The following INTS8 variants were observed in gnomAD, a reference collection of about 807,000 sequenced individuals.
INTS8 encodes protein kaonashi-1.
INTS8 carries 47 observed loss-of-function variants against 138.9 expected under a neutral mutation model. The ratio of observed to expected loss-of-function variants is 0.34; its 90% CI spans 0.27 to 0.43. The LOEUF (loss-of-function observed/expected upper bound fraction) is 0.43, where lower values mean the gene tolerates loss of function less well. Among genes scored for constraint, INTS8 ranks in the 20% least tolerant of loss-of-function variants. The pLI is 1.00. For synonymous variants in INTS8, 392 were observed against 400.9 expected, an observed-to-expected ratio of 0.98 and a Z score of 0.27; for missense variants, 996 against 1,173.0, an observed-to-expected ratio of 0.85 and a Z score of 2.20.
Position 94,843,524 on chromosome 8 carries a change from G to A in INTS8, c.1260+1036G>A, listed in dbSNP as rs1050378785. Among the ~76,000 whole-genome samples, 16 of 151,864 alleles carry A rather than the reference G, an allele frequency of 1.1e-4. No homozygotes were observed. The South Asian group carries it at 1.5e-3, about 14-fold the overall frequency. ...AGAGGTTTCAATGAGTGGAGATTACGCCACTGCACTCCAGCCTGGGCAACA... is the reference window on the plus strand; with the variant it reads ...AGAGGTTTCAATGAGTGGAGATTACACCACTGCACTCCAGCCTGGGCAACA... On this transcript the variant is annotated intron_variant, in intron 10 of 26. Transcript: ENST00000523731.
rs749072336 is a variant in INTS8, at chr8:94,838,584, A to G, written c.983A>G (p.Gln328Arg). ...TCTCAACAGTTGACTCCATATAGTC[A>G]AGTCCATATTTGTTTGAGATCTGGC... ...STSQQLTPYSQVHICLRSGNY... is the reference protein window; with the variant it reads ...STSQQLTPYSRVHICLRSGNY... Residue 328 changes from glutamine to arginine, a missense_variant, in exon 8 of 27, where the codon CAA becomes CGA. Physicochemically the swap from Gln to Arg is conservative, Grantham distance 43. Transcript: ENST00000523731. 13 of 1,613,464 alleles carry G rather than the reference A, an allele frequency of 8.1e-6. No individual in the cohort carries two copies. In the East Asian group the frequency reaches 2.9e-4, roughly 36 times the overall value.
rs752396776 is a variant in INTS8, at chr8:94,828,990, A to T, written c.534A>T (p.Gln178His). The change falls in exon 5 of 27, where the codon CAA (glutamine) becomes CAT (histidine). Residue 178 changes from glutamine (Q) to histidine (H), a missense_variant. Gln to His is a conservative substitution (Grantham distance 24). Transcript: ENST00000523731. ...PPQLSVMNQM[Q>H]QEKELTENIL... ...TCTCTTTTAGTATGAATCAAATGCA[A>T]CAGGAAAAAGAGCTAACAGAAAACA... 1.3e-6 allele frequency: 2 copies of T among 1,599,334 alleles called. No homozygotes were observed. The highest frequency in any genetic ancestry group is 1.7e-6 in the Non-Finnish European group (2 of 1,171,540).
intron 20 of INTS8, among the ~76,000 whole-genome samples, chr8:94,869,083 A>G (rs939839233): frequency 2.0e-5 from 3 of 151,476 alleles, no homozygotes; most frequent in Admixed American, 2.0e-4. Context: ...CCCTGGTTCA[A>G]GCAATTCTCC....
chr8:94,876,158 T>C lies in INTS8; in HGVS notation c.2762+11T>C. ...GCAAGAACAAAACAGGTATGAATAATATTTTAAAAATAATGAGGTCAACAT... is the reference window on the plus strand; with the variant it reads ...GCAAGAACAAAACAGGTATGAATAACATTTTAAAAATAATGAGGTCAACAT... On this transcript the variant is annotated intron_variant, in intron 24 of 26. Coordinates refer to ENST00000523731, the MANE Select transcript of INTS8 (RefSeq NM_017864.4). 6.2e-7 allele frequency: 1 copy of C among 1,606,752 alleles called. No homozygotes were observed. Among genetic ancestry groups the C allele is most frequent in the Non-Finnish European group, 8.5e-7 (1 of 1,173,836 alleles).
At position 94,853,860 on chromosome 8, in the gene INTS8, C is replaced by CA; in HGVS notation, c.1699dup (p.Arg567LysfsTer18). 1 of 1,612,072 alleles carries CA rather than the reference C, an allele frequency of 6.2e-7. No homozygotes were observed. Among genetic ancestry groups the CA allele is most frequent in the Non-Finnish European group, 8.5e-7 (1 of 1,178,206 alleles). On this transcript the variant is annotated frameshift_variant, in exon 14 of 27. Transcript: ENST00000523731. LOFTEE classifies it high-confidence loss of function. ...ATCCTGGGAATTAAAGACAATTTAA[C>CA]AAGAGATTTGGTTTATATTCTTATG... is the stretch of plus-strand genomic sequence containing the variant.
chr8:94,825,094 T>G (rs745522934), intron 2 of INTS8, 27 bp downstream of exon 2: 1 of 1,452,154 alleles, frequency 6.9e-7, no homozygotes, highest in South Asian at 1.2e-5. Context: ...TGAAATTTCA[T>G]TTGAAGTGCT....
chr8:94,851,586 A>G lies in INTS8; in HGVS notation c.1541A>G (p.His514Arg). The change falls in exon 13 of 27, where the codon CAT becomes CGT. Residue 514 changes from histidine to arginine, a missense_variant. Coordinates refer to ENST00000523731, the MANE Select transcript of INTS8 (RefSeq NM_017864.4). The part of the protein sequence containing the change: ...SASVNIGQLE[H>R]QLILSVDPWR... ...AGTGTCAACATTGGTCAGTTAGAGC[A>G]TCAACTTATATTGTCAGTGGATCCT... is the stretch of plus-strand genomic sequence containing the variant. 6.3e-7 allele frequency: 1 copy of G among 1,595,876 alleles called. No individual in the cohort carries two copies. Among genetic ancestry groups the G allele is most frequent in the Non-Finnish European group, 8.5e-7 (1 of 1,173,482 alleles).
chr8:94,864,178 T>A (rs974756733), intron 16 of INTS8, among the ~76,000 whole-genome samples: 25 of 152,316 alleles, frequency 1.6e-4, no homozygotes, highest in Non-Finnish European at 2.9e-4. Flanking sequence ...CTTTTTTTTT[T>A]ATTTTTCTGT....
intron 16 of INTS8, among the ~76,000 whole-genome samples, chr8:94,861,877 G>A (rs1270388702): frequency 2.6e-5 from 4 of 151,244 alleles, no homozygotes; most frequent in Non-Finnish European, 4.4e-5. Context: ...CTTTACACTT[G>A]CTCGTGAAAA....
chr8:94,851,235 TAA>T (rs140357105), intron 12 of INTS8, among the ~76,000 whole-genome samples: 25,776 of 152,170 alleles, frequency 0.17, 2,298 homozygotes, highest in Middle Eastern at 0.27. Flanking sequence ...AAGTTGTGTA[TAA>T]GTCTGTAAGT....
chr8:94,873,751 A>C, intron 22 of INTS8: 1 of 257,776 alleles, frequency 3.9e-6, no homozygotes, highest in Admixed American at 5.0e-5. Context: ...ACTCCTAATA[A>C]ATTCACCTGT....
At chr8:94,823,854 C>T (rs773813182) in intron 1 of INTS8, among the ~76,000 whole-genome samples, 1 of 152,180 alleles carries the variant, frequency 6.6e-6, no homozygotes, top group South Asian at 2.1e-4. Context: ...TTAGAGGCTG[C>T]GAGGCGGGTC....
chr8:94,826,496 A>G (rs1037207494), intron 2 of INTS8, among the ~76,000 whole-genome samples: 1 of 152,212 alleles, frequency 6.6e-6, no homozygotes, highest in Non-Finnish European at 1.5e-5. Flanking sequence ...AAGAGACATC[A>G]ACAGATAGCA....
chr8:94,823,356 C>G lies in INTS8; in HGVS notation c.-76C>G. Reference sequence around the variant, plus strand: ...CTCTCTCCCACCGGGTTCCGCATACCCCAGGCACCGGCCCGCATCCAAGTG... The same window carrying G: ...CTCTCTCCCACCGGGTTCCGCATACGCCAGGCACCGGCCCGCATCCAAGTG... On this transcript the variant is annotated 5_prime_UTR_variant, in exon 1 of 27. Coordinates refer to ENST00000523731, the MANE Select transcript of INTS8 (RefSeq NM_017864.4). 6.6e-7 allele frequency: 1 copy of G among 1,505,018 alleles called. No homozygotes were observed. The highest frequency in any genetic ancestry group is 1.3e-5 in the South Asian group (1 of 78,310). 93.2% of individuals were successfully genotyped at this position (1,505,018 alleles called of 1,614,324 possible).
chr8:94,831,362 C>T (rs1459144555), intron 5 of INTS8, among the ~76,000 whole-genome samples: 1 of 152,152 alleles, frequency 6.6e-6, no homozygotes, highest in Admixed American at 6.5e-5. Context: ...GATCCTCCTG[C>T]CTCGCTTGGC....
At chr8:94,873,327 T>TGAAAA in intron 21 of INTS8, 47 bp from the exon 22 acceptor site, 1 of 1,328,852 alleles carries the variant, frequency 7.5e-7, no homozygotes, top group African/African-American at 1.4e-5. Context: ...GAATCCCTGT[T>TGAAAA]TTTCAACTGT....
chr8:94,879,615 C>A (rs12543492), intron 26 of INTS8, among the ~76,000 whole-genome samples: 77,303 of 140,438 alleles, frequency 0.55, 20,731 homozygotes, highest in East Asian at 0.73. Context: ...AAAAAACAAA[C>A]AAAAAAAAAC....
chr8:94,852,603 T>C (rs1815587336), intron 13 of INTS8, among the ~76,000 whole-genome samples: 1 of 152,054 alleles, frequency 6.6e-6, no homozygotes, highest in Non-Finnish European at 1.5e-5. Flanking sequence ...GTTTTTTTTT[T>C]TTGAGACTGA....
chr8:94,853,879 T>TC lies in INTS8; in HGVS notation c.1717dup (p.Leu573ProfsTer12), dbSNP rs750379866. 6.2e-7 allele frequency: 1 copy of TC among 1,609,130 alleles called. No homozygotes were observed. Among genetic ancestry groups the TC allele is most frequent in the Non-Finnish European group, 8.5e-7 (1 of 1,175,476 alleles). ...ATTTAACAAGAGATTTGGTTTATATTCTTATGGCCAAAGGTTTGCACTGCA... is the reference window on the plus strand; with the variant it reads ...ATTTAACAAGAGATTTGGTTTATATTCCTTATGGCCAAAGGTTTGCACTGCA... On this transcript the variant is annotated frameshift_variant, in exon 14 of 27. Transcript: ENST00000523731. LOFTEE classifies it high-confidence loss of function.
Sources: gnomAD v4.1 joint callset for allele counts (sites outside exome capture counted in the v4.1 genomes callset) on GRCh38, gnomAD v4.1.1 for gene constraint, MANE v1.5 for transcripts, NCBI Gene and HGNC (gene_info 2026-07-23, HGNC 2026-07-21) for gene names.